Variants in TXNL1 observed in about 807,000 individuals in gnomAD.
TXNL1 encodes the protein thioredoxin like 1, also known as thioredoxin-like protein 1.
TXNL1 carries 14 observed loss-of-function variants against 35.5 expected under a neutral mutation model. The ratio of observed to expected loss-of-function variants is 0.39; its 90% confidence interval spans 0.26 to 0.62. The LOEUF is 0.62. TXNL1 is among the 20% of genes least tolerant of loss of function. The pLI, the probability that TXNL1 is intolerant of heterozygous loss-of-function variation, is 0.47. For missense variants in TXNL1, 263 were observed against 349.7 expected (o/e 0.75, Z 1.98); for synonymous variants, 110 against 115.5 (o/e 0.95, Z 0.31).
intron 6 of TXNL1, among the ~76,000 whole-genome samples, chr18:56,613,746 G>A (rs1282576156): frequency 2.6e-5 from 4 of 152,084 alleles, no homozygotes; most frequent in Non-Finnish European, 5.9e-5. Flanking sequence ...AGTAGATCAG[G>A]GCTATACTGA....
chr18:56,624,158 A>G, intron 3 of TXNL1, 130 bp downstream of exon 3: 1 of 1,005,470 alleles, frequency 9.9e-7, no homozygotes, highest in South Asian at 2.5e-5. Context: ...ATAAATTTGA[A>G]AGCTCTTATT....
Position 56,638,589 on chromosome 18 carries a change from C to A in TXNL1, c.-149G>T. The A allele has an allele frequency of 4.2e-6, 3 of 720,256 alleles. No individual in the cohort carries two copies. The highest frequency in any genetic ancestry group is 6.4e-6 in the Non-Finnish European group (3 of 467,556). 44.6% of individuals were successfully genotyped at this position (720,256 alleles called of 1,614,324 possible). Reference sequence around the variant, plus strand: ...CCGCCGAGTCTTCTCCCGGGACTCTCAGTGCCGAGTCACGCCAGGGAGCGG... The same window carrying A: ...CCGCCGAGTCTTCTCCCGGGACTCTAAGTGCCGAGTCACGCCAGGGAGCGG... On this transcript the variant is annotated 5_prime_UTR_variant, in exon 1 of 8. Transcript: ENST00000217515.
chr18:56,633,310 G>C (rs1292981404), intron 1 of TXNL1, among the ~76,000 whole-genome samples: 3 of 151,898 alleles, frequency 2.0e-5, no homozygotes, highest in Non-Finnish European at 4.4e-5. Flanking sequence ...AGCCGGGCGT[G>C]GTGGCGGGCA....
chr18:56,616,335 T>C, intron 4 of TXNL1, 21 bp from the exon 5 acceptor site: 1 of 1,608,610 alleles, frequency 6.2e-7, no homozygotes, highest in South Asian at 1.1e-5. Flanking sequence ...AAGAGTTTCA[T>C]TTTAAAGGGC....
Position 56,626,399 on chromosome 18 carries a change from G to A in TXNL1, c.157C>T (p.Gln53Ter). 1 of 1,613,854 alleles carries A rather than the reference G, an allele frequency of 6.2e-7. No individual in the cohort carries two copies. The highest frequency in any genetic ancestry group is 8.5e-7 in the Non-Finnish European group (1 of 1,179,900). Residue 53 changes from glutamine to a stop codon, truncating the protein, a stop_gained, in exon 2 of 8, where the codon CAG becomes TAG. Transcript: ENST00000217515. LOFTEE classifies it high-confidence loss of function. ...AFSSMSNKYP[Q>*]AVFLEVDVHQ... ...ACATCGACTTCCAAGAAAACAGCCTGTGGATATTTATTACTCATAGAACTG... is the reference window on the plus strand; with the variant it reads ...ACATCGACTTCCAAGAAAACAGCCTATGGATATTTATTACTCATAGAACTG...
In TXNL1 at chr18:56,599,175, C is replaced by T. The variant is rs923171532; in HGVS notation, c.*3852G>A. On this transcript the variant is annotated 3_prime_UTR_variant, in exon 8 of 8. Transcript: ENST00000217515. ...TCTTTATCTTATAGTTCTCTAATTA[C>T]ACATTCTCCAACTAATAATTTTACA... is the stretch of plus-strand genomic sequence containing the variant. 1.3e-5 allele frequency: 2 copies of T among 151,918 alleles called. No individual in the cohort carries two copies. The highest frequency in any genetic ancestry group is 1.3e-4 in the Admixed American group (2 of 15,272). The allele number at this position is 151,918 out of a possible 1,614,324, so 9.4% of individuals were successfully genotyped here. A position where few individuals can be genotyped will look rare whatever the true frequency, so the allele number is the denominator to read the frequency against.
intron 3 of TXNL1, among the ~76,000 whole-genome samples, chr18:56,620,392 TCA>T (rs1301764326): frequency 1.3e-5 from 2 of 152,264 alleles, no homozygotes; most frequent in African/African-American, 2.4e-5. Context: ...CAGATCAATG[TCA>T]CAGTTCAAAA....
At chr18:56,635,395 T>C (rs954947331) in intron 1 of TXNL1, among the ~76,000 whole-genome samples, 2 of 152,250 alleles carry the variant, frequency 1.3e-5, no homozygotes, top group South Asian at 2.1e-4. Flanking sequence ...TATACAAAAT[T>C]TGCCATATAA....
intron 5 of TXNL1, among the ~76,000 whole-genome samples, chr18:56,614,880 C>G (rs778738374): frequency 2.0e-5 from 3 of 152,024 alleles, no homozygotes; most frequent in Non-Finnish European, 4.4e-5. Context: ...TCCCTGCCCC[C>G]CAACTACAAA....
chr18:56,603,650 T>C (rs1450504239), intron 7 of TXNL1, among the ~76,000 whole-genome samples: 1 of 152,152 alleles, frequency 6.6e-6, no homozygotes, highest in African/African-American at 2.4e-5. Flanking sequence ...ACTGGAGGAT[T>C]ATAAAAAACA....
intron 1 of TXNL1, among the ~76,000 whole-genome samples, chr18:56,634,069 T>A (rs1281952510): frequency 1.3e-5 from 2 of 151,494 alleles, no homozygotes; most frequent in African/African-American, 4.9e-5. Flanking sequence ...CGACACAATG[T>A]ATATTCTTTT....
intron 2 of TXNL1, among the ~76,000 whole-genome samples, chr18:56,625,825 C>G (rs867390215): frequency 6.6e-6 from 1 of 152,032 alleles, no homozygotes; most frequent in South Asian, 2.1e-4. Flanking sequence ...TTTCCCTTAA[C>G]AATTCCCCAC....
At chr18:56,629,251 G>A (rs1205102097) in intron 1 of TXNL1, among the ~76,000 whole-genome samples, 2 of 152,252 alleles carry the variant, frequency 1.3e-5, no homozygotes, top group African/African-American at 2.4e-5. Context: ...ACAGGGGCCA[G>A]GCACGCTGGC....
intron 4 of TXNL1, 47 bp downstream of exon 4, chr18:56,617,957 C>A (rs199971612): frequency 1.3e-4 from 204 of 1,606,272 alleles, no homozygotes; most frequent in Middle Eastern, 6.6e-4. Flanking sequence ...CAAGAGCAGG[C>A]ATAAATAGTG....
Position 56,600,253 on chromosome 18 carries a change from C to A in TXNL1, c.*2774G>T, listed in dbSNP as rs2023794567. ...CTGCATACATCCTCAAACATTGAGA[C>A]AAAGGATGGCAGACAGGTTTCAACT... On this transcript the variant is annotated 3_prime_UTR_variant, in exon 8 of 8. Transcript: ENST00000217515. The A allele has an allele frequency of 6.6e-6, 1 of 152,276 alleles. No individual in the cohort carries two copies. The highest frequency in any genetic ancestry group is 1.5e-5 in the Non-Finnish European group (1 of 68,082). The allele number at this position is 152,276 out of a possible 1,614,324, so 9.4% of individuals were successfully genotyped here. A position where few individuals can be genotyped will look rare whatever the true frequency, so the allele number is the denominator to read the frequency against.
Position 56,624,271 on chromosome 18 carries a change from C to T in TXNL1, c.369+17G>A. ...CAAGATATTATACATTATGATTTCACTTTTCAGTCTACATACATAGCCTTT... is the reference window on the plus strand; with the variant it reads ...CAAGATATTATACATTATGATTTCATTTTTCAGTCTACATACATAGCCTTT... On this transcript the variant is annotated intron_variant, in intron 3 of 7. Coordinates refer to ENST00000217515, the MANE Select transcript of TXNL1 (RefSeq NM_004786.3). The T allele has an allele frequency of 6.3e-7, 1 of 1,599,042 alleles. No individual in the cohort carries two copies. Among genetic ancestry groups the T allele is most frequent in the Non-Finnish European group, 8.5e-7 (1 of 1,171,436 alleles).
rs532171740 is a variant in TXNL1 at position 56,638,525 on chromosome 18, TGCTC to T, written c.-89_-86del. Reference sequence around the variant, plus strand: ...GACGATCTGGGAGAGGAAGGAGAGATGCTCAGGAAGGCCGAGGCCTGGACAGAAG... The same window carrying T: ...GACGATCTGGGAGAGGAAGGAGAGATAGGAAGGCCGAGGCCTGGACAGAAG... On this transcript the variant is annotated 5_prime_UTR_variant, in exon 1 of 8. Coordinates refer to ENST00000217515, the MANE Select transcript of TXNL1 (RefSeq NM_004786.3). The T allele has an allele frequency of 1.1e-4, 158 of 1,415,930 alleles. No individual in the cohort carries two copies. The African/African-American group carries it at 2.0e-3, about 18-fold the overall frequency. The allele number at this position is 1,415,930 out of a possible 1,614,324, so 87.7% of individuals were successfully genotyped here.
intron 6 of TXNL1, 110 bp downstream of exon 6, chr18:56,614,314 C>T: frequency 1.1e-6 from 1 of 935,314 alleles, no homozygotes. Context: ...TCATTTCAAA[C>T]TGAGTGAATA....
chr18:56,616,358 C>G, intron 4 of TXNL1, 44 bp from the exon 5 acceptor site: 1 of 1,495,744 alleles, frequency 6.7e-7, no homozygotes, highest in Non-Finnish European at 9.2e-7. Context: ...TTGTACACAC[C>G]TTGAGTACAT....
Sources: gnomAD v4.1 joint callset for allele counts (sites outside exome capture counted in the v4.1 genomes callset) on GRCh38, gnomAD v4.1.1 for gene constraint, MANE v1.5 for transcripts, NCBI Gene and HGNC (gene_info 2026-07-23, HGNC 2026-07-21) for gene names.